GREB1: variants seen among roughly 807,000 people sequenced by gnomAD.
GREB1 encodes protein GREB1.
Under a neutral mutation model 200.7 loss-of-function variants are expected in GREB1, and 106 were observed. That is an observed-to-expected ratio of 0.53 (90% confidence interval 0.45 to 0.62). The LOEUF (loss-of-function observed/expected upper bound fraction) is 0.62, where lower values mean the gene tolerates loss of function less well. GREB1 is among the 20% of genes least tolerant of loss of function. The probability of loss-of-function intolerance (pLI) is 0.00; values close to 1 mark genes in which losing one functional copy is unlikely to be tolerated. For synonymous variants in GREB1, 1,132 were observed against 1,092.4 expected, an observed-to-expected ratio of 1.04 and a Z score of -0.72; for missense variants, 2,243 against 2,556.8, an observed-to-expected ratio of 0.88 and a Z score of 2.65.
At chr2:11,605,583 G>C (rs115809947) in intron 17 of GREB1, among the ~76,000 whole-genome samples, 1,694 of 152,208 alleles carry the variant, frequency 0.011, 30 homozygotes, top group African/African-American at 0.039. Context: ...TCACCAAAAG[G>C]TAATGAAAAA....
At chr2:11,514,959 TATCCATCCATCC>T (rs553505477) in intron 1 of GREB1, among the ~76,000 whole-genome samples, 3 of 151,880 alleles carry the variant, frequency 2.0e-5, no homozygotes, top group Admixed American at 2.0e-4. Flanking sequence ...CTTCCTCCAC[TATCCATCCATCC>T]ATCCATCCAT....
rs150622264 is a variant in GREB1 at position 11,585,132 on chromosome 2, G to A, written c.902-29G>A. 247 of 1,283,192 alleles carry A rather than the reference G, an allele frequency of 1.9e-4. 1 individual carries two copies. The African/African-American group carries it at 3.4e-3, about 18-fold the overall frequency. 79.5% of individuals were successfully genotyped at this position (1,283,192 alleles called of 1,614,324 possible). On this transcript the variant is annotated intron_variant, in intron 7 of 32. Transcript: ENST00000381486. ...TTATTGGAGCCCTGTCCTGGTGATA[G>A]CCTAATCCACACTCTGAATATTGTC...
chr2:11,553,728 A>G (rs1676161581), intron 1 of GREB1, among the ~76,000 whole-genome samples: 1 of 151,908 alleles, frequency 6.6e-6, no homozygotes, highest in Non-Finnish European at 1.5e-5. Flanking sequence ...TGGACAGTGG[A>G]TATTATTTTT....
chr2:11,514,920 C>T (rs1558493777), intron 1 of GREB1, among the ~76,000 whole-genome samples: 4 of 152,296 alleles, frequency 2.6e-5, no homozygotes, highest in Admixed American at 1.3e-4. Flanking sequence ...TGAATCCATC[C>T]GTCCACACAT....
intron 1 of GREB1, among the ~76,000 whole-genome samples, chr2:11,545,550 T>TA (rs1374477918): frequency 3.3e-5 from 5 of 152,162 alleles, no homozygotes; most frequent in Admixed American, 2.0e-4. Context: ...ACACCATTTT[T>TA]AAAAAGCAAC....
chr2:11,592,921 C>G lies in GREB1; in HGVS notation c.1491C>G (p.Thr497=), dbSNP rs758751015. The G allele has an allele frequency of 6.3e-7, 1 of 1,583,996 alleles. No homozygotes were observed. Among genetic ancestry groups the G allele is most frequent in the East Asian group, 2.3e-5 (1 of 43,262 alleles). The change falls in exon 11 of 33, where the codon ACC becomes ACG. Residue 497 remains threonine, a synonymous_variant. Transcript: ENST00000381486. ...CGCCCAGCGCCGCGGCACCCGTGAC[C>G]TCCGCGCAGCTGCCCTGGCTGGCCA... is the stretch of plus-strand genomic sequence containing the variant. ...PPAPSAAAPV[T]SAQLPWLASL... is the part of the protein sequence containing the mutation.
At chr2:11,501,430 G>C (rs971897582) in intron 1 of GREB1, among the ~76,000 whole-genome samples, 1 of 152,130 alleles carries the variant, frequency 6.6e-6, no homozygotes, top group African/African-American at 2.4e-5. Flanking sequence ...ATCTCTCTCT[G>C]TTGCCCTGGC....
chr2:11,628,501 T>C (rs1391555595), intron 25 of GREB1, among the ~76,000 whole-genome samples: 1 of 152,206 alleles, frequency 6.6e-6, no homozygotes, highest in African/African-American at 2.4e-5. Flanking sequence ...ACTCATTGTT[T>C]GAGTGTGCAA....
intron 4 of GREB1, among the ~76,000 whole-genome samples, chr2:11,569,214 T>C (rs1415522436): frequency 6.6e-6 from 1 of 152,224 alleles, no homozygotes; most frequent in African/African-American, 2.4e-5. Context: ...AGATTGTTTT[T>C]TCTTAGATGG....
intron 15 of GREB1, among the ~76,000 whole-genome samples, chr2:11,599,107 CAG>C (rs1381051006): frequency 6.6e-6 from 1 of 152,140 alleles, no homozygotes; most frequent in East Asian, 1.9e-4. Flanking sequence ...GCGTGTCTCC[CAG>C]AGTCACAGGG....
intron 17 of GREB1, among the ~76,000 whole-genome samples, chr2:11,609,671 C>T (rs113445229): frequency 0.035 from 5,259 of 152,010 alleles, 311 homozygotes; most frequent in African/African-American, 0.12. Flanking sequence ...ATGTGACCTG[C>T]GTAGTGGATG....
chr2:11,588,590 G>A (rs1005234078), intron 9 of GREB1, 156 bp from the exon 10 acceptor site: 1 of 730,146 alleles, frequency 1.4e-6, no homozygotes, highest in Non-Finnish European at 2.5e-6. Flanking sequence ...GTGAGCAGGT[G>A]CACTCAATGA....
chr2:11,588,047 G>A (rs1680344616), intron 9 of GREB1: 1 of 661,344 alleles, frequency 1.5e-6, no homozygotes, highest in Non-Finnish European at 1.9e-6. Flanking sequence ...GCAACATGGT[G>A]AAACCTTGTC....
At chr2:11,599,196 T>C (rs961023206) in intron 15 of GREB1, among the ~76,000 whole-genome samples, 2 of 152,090 alleles carry the variant, frequency 1.3e-5, no homozygotes, top group Non-Finnish European at 2.9e-5. Flanking sequence ...GTTTCTTTCA[T>C]AGTCCACTCA....
rs766283046 is a variant in GREB1, at chr2:11,633,163, G to C, written c.4991+100G>C. ...GAATGTGCCCACCCCTGGAAGACCGGAGGGCCTCTCATAGTAGAAGGGGTG... is the reference window on the plus strand; with the variant it reads ...GAATGTGCCCACCCCTGGAAGACCGCAGGGCCTCTCATAGTAGAAGGGGTG... On this transcript the variant is annotated intron_variant, in intron 28 of 32. Transcript: ENST00000381486. The surrounding 1 kb of genome is among the most constrained non-coding windows in gnomAD (Gnocchi z 4.1). 8.4e-7 allele frequency: 1 copy of C among 1,190,108 alleles called. No homozygotes were observed. Among genetic ancestry groups the C allele is most frequent in the Non-Finnish European group, 1.2e-6 (1 of 816,532 alleles). 73.7% of individuals were successfully genotyped at this position (1,190,108 alleles called of 1,614,324 possible).
At chr2:11,498,888 C>T (rs1257973406) in intron 1 of GREB1, among the ~76,000 whole-genome samples, 1 of 152,200 alleles carries the variant, frequency 6.6e-6, no homozygotes, top group African/African-American at 2.4e-5. Flanking sequence ...CCAAATGTGG[C>T]GTGCAGCTGC....
intron 5 of GREB1, among the ~76,000 whole-genome samples, chr2:11,577,216 A>G (rs530193373): frequency 1.4e-5 from 2 of 146,946 alleles, no homozygotes. Flanking sequence ...CCATAACTCA[A>G]GACAAGTTTG....
At chr2:11,607,479 C>T (rs1232856872) in intron 17 of GREB1, among the ~76,000 whole-genome samples, 1 of 143,230 alleles carries the variant, frequency 7.0e-6, no homozygotes, top group Admixed American at 7.0e-5. Context: ...TATACACACA[C>T]ATACATATAT....
At chr2:11,583,532 A>G (rs1446976495) in intron 7 of GREB1, among the ~76,000 whole-genome samples, 1 of 152,202 alleles carries the variant, frequency 6.6e-6, no homozygotes, top group Admixed American at 6.5e-5. Flanking sequence ...GAGAGACTCT[A>G]AAGCAATGAT....
Sources: allele counts gnomAD v4.1 joint callset (sites outside exome capture counted in the v4.1 genomes callset), GRCh38; gene constraint gnomAD v4.1.1; non-coding constraint Gnocchi (gnomAD v3.1); transcripts MANE v1.5; gene names NCBI Gene and HGNC (gene_info 2026-07-23, HGNC 2026-07-21).